The following SBF2 variants were observed in gnomAD, a reference collection of about 807,000 sequenced individuals.
SBF2 encodes SET binding factor 2.
Under a neutral mutation model 225.2 loss-of-function variants are expected in SBF2, and 112 were observed. The ratio of observed to expected loss-of-function variants is 0.50; its 90% CI spans 0.43 to 0.58. SBF2 has a LOEUF of 0.58. SBF2 is among the 20% of genes least tolerant of loss of function. The probability of loss-of-function intolerance (pLI) is 0.00; values close to 1 mark genes in which losing one functional copy is unlikely to be tolerated. For synonymous variants in SBF2, 763 were observed against 773.3 expected (o/e 0.99, Z 0.22); for missense variants, 1,996 against 2,206.2 (o/e 0.90, Z 1.91).
intron 17 of SBF2, among the ~76,000 whole-genome samples, chr11:9,860,074 C>T (rs1857605872): frequency 6.6e-6 from 1 of 152,116 alleles, no homozygotes; most frequent in Non-Finnish European, 1.5e-5. Context: ...AAATCATGAA[C>T]AAAATGTGTG....
At chr11:10,272,426 C>G (rs1328759368) in intron 1 of SBF2, among the ~76,000 whole-genome samples, 1 of 152,218 alleles carries the variant, frequency 6.6e-6, no homozygotes, top group African/African-American at 2.4e-5. Flanking sequence ...TCATGAGCCA[C>G]AAGTACAAAC....
chr11:10,115,471 T>C (rs914638539), intron 2 of SBF2, among the ~76,000 whole-genome samples: 4 of 152,216 alleles, frequency 2.6e-5, no homozygotes, highest in African/African-American at 9.6e-5. Context: ...GACATGAAGA[T>C]CTGAGATCCA....
At chr11:10,144,375 C>G (rs1954794741) in intron 2 of SBF2, among the ~76,000 whole-genome samples, 1 of 152,032 alleles carries the variant, frequency 6.6e-6, no homozygotes, top group Admixed American at 6.6e-5. Flanking sequence ...GTAGTCCCCG[C>G]TACCTGGGAG....
intron 37 of SBF2, 55 bp from the exon 38 acceptor site, chr11:9,784,493 T>TA: frequency 7.5e-7 from 1 of 1,330,158 alleles, no homozygotes. Context: ...CAAAATGCTG[T>TA]AAAGGGGAGG....
intron 6 of SBF2, among the ~76,000 whole-genome samples, chr11:10,007,664 T>C (rs1465911136): frequency 1.3e-5 from 2 of 152,122 alleles, no homozygotes; most frequent in African/African-American, 4.8e-5. Context: ...GGGTTTACCC[T>C]GGTTTCAAGC....
chr11:9,974,789 C>T (rs548298249), intron 13 of SBF2, among the ~76,000 whole-genome samples: 51 of 151,008 alleles, frequency 3.4e-4, no homozygotes, highest in South Asian at 6.3e-4. Context: ...GGAGAAACCC[C>T]GCCTCTACTA....
intron 6 of SBF2, among the ~76,000 whole-genome samples, chr11:10,026,939 G>A (rs1010333347): frequency 8.6e-5 from 13 of 152,026 alleles, no homozygotes; most frequent in Admixed American, 3.3e-4. Flanking sequence ...GTAAAAACTT[G>A]CACTAGAAGA....
intron 17 of SBF2, among the ~76,000 whole-genome samples, chr11:9,862,009 G>A (rs1857793239): frequency 6.6e-6 from 1 of 152,152 alleles, no homozygotes; most frequent in Non-Finnish European, 1.5e-5. Context: ...TTACAGCAGG[G>A]TGAAGTGACT....
At chr11:9,818,448 C>G (rs1435251824) in intron 28 of SBF2, among the ~76,000 whole-genome samples, 4 of 152,130 alleles carry the variant, frequency 2.6e-5, no homozygotes, top group Non-Finnish European at 5.9e-5. Flanking sequence ...ATCAAGAGGC[C>G]CTCATAAATG....
At chr11:9,846,884 C>G (rs556005515) in intron 23 of SBF2, 72 bp downstream of exon 23, 1 of 1,545,782 alleles carries the variant, frequency 6.5e-7, no homozygotes, top group South Asian at 1.1e-5. Context: ...CATGACCACA[C>G]AAAATGGCCA....
chr11:9,812,273 T>G (rs958201420), intron 30 of SBF2, among the ~76,000 whole-genome samples: 1 of 152,076 alleles, frequency 6.6e-6, no homozygotes, highest in Non-Finnish European at 1.5e-5. Context: ...TAAAAATAAT[T>G]TTCTCCTTAG....
intron 1 of SBF2, among the ~76,000 whole-genome samples, chr11:10,276,447 C>T (rs1962965876): frequency 6.6e-6 from 1 of 152,262 alleles, no homozygotes; most frequent in East Asian, 1.9e-4. Flanking sequence ...TCATTTATTA[C>T]TCATTAGTTC....
intron 2 of SBF2, among the ~76,000 whole-genome samples, chr11:10,174,519 C>T (rs1007240390): frequency 8.5e-5 from 13 of 152,100 alleles, no homozygotes; most frequent in Non-Finnish European, 1.9e-4. Context: ...TGGGAAAAGA[C>T]CAAATCTACG....
In SBF2 at chr11:9,781,620, C is replaced by T. The variant is rs1188609089; in HGVS notation, c.5338G>A (p.Gly1780Ser). Reference protein sequence around the residue: ...TKHQLRYYDSGEDTSCKGHID... With the variant: ...TKHQLRYYDSSEDTSCKGHID... ...TGGCCTTTACAGCTTGTGTCCTCAC[C>T]TGAGTCATAGTAGCGCAGCTGGAAC... The change falls in exon 39 of 40, where the codon GGT (glycine) becomes AGT (serine). Residue 1780 changes from glycine (G) to serine (S), a missense_variant. Gly to Ser is a moderately conservative substitution (Grantham distance 56). Transcript: ENST00000256190. 1.9e-6 allele frequency: 3 copies of T among 1,614,240 alleles called. No homozygotes were observed. The highest frequency in any genetic ancestry group is 1.7e-5 in the Admixed American group (1 of 60,020).
intron 13 of SBF2, among the ~76,000 whole-genome samples, chr11:9,978,980 C>T (rs1219403244): frequency 6.6e-6 from 1 of 152,208 alleles, no homozygotes; most frequent in Non-Finnish European, 1.5e-5. Flanking sequence ...GCCTGGGCAA[C>T]AGAGTGAGAT....
chr11:10,143,010 T>C (rs1954716700), intron 2 of SBF2, among the ~76,000 whole-genome samples: 1 of 152,216 alleles, frequency 6.6e-6, no homozygotes, highest in Non-Finnish European at 1.5e-5. Flanking sequence ...ATAGGTACTA[T>C]TAAGTAGACA....
chr11:10,120,610 TTC>T (rs939299593), intron 2 of SBF2, among the ~76,000 whole-genome samples: 1 of 151,998 alleles, frequency 6.6e-6, no homozygotes, highest in African/African-American at 2.4e-5. Flanking sequence ...ACTTGTTGTT[TTC>T]TGTTTGTTTT....
At chr11:9,805,438 GAC>G (rs929364125) in intron 32 of SBF2, among the ~76,000 whole-genome samples, 5 of 152,214 alleles carry the variant, frequency 3.3e-5, no homozygotes, top group African/African-American at 1.2e-4. Context: ...CCTACTGTAG[GAC>G]AGACATTTGG....
intron 28 of SBF2, among the ~76,000 whole-genome samples, chr11:9,826,099 T>C (rs774880393): frequency 1.1e-4 from 16 of 152,268 alleles, no homozygotes; most frequent in South Asian, 2.1e-4. Context: ...AAAATACCAG[T>C]CCACACCCCA....
Sources: allele counts gnomAD v4.1 joint callset (sites outside exome capture counted in the v4.1 genomes callset), GRCh38; gene constraint gnomAD v4.1.1; transcripts MANE v1.5; gene names NCBI Gene and HGNC (gene_info 2026-07-23, HGNC 2026-07-21).